The following MCTP1 variants were observed in gnomAD, a reference collection of about 807,000 sequenced individuals.
MCTP1 encodes the protein multiple C2 and transmembrane domain-containing protein 1.
MCTP1 carries 69 observed loss-of-function variants against 120.6 expected under a neutral mutation model. The ratio of observed to expected loss-of-function variants is 0.57; its 90% CI spans 0.47 to 0.70. The LOEUF (loss-of-function observed/expected upper bound fraction) is 0.70. MCTP1 is among the 30% of genes least tolerant of loss of function. MCTP1 has a pLI of 0.00. For missense variants in MCTP1, 1,203 were observed against 1,248.8 expected (o/e 0.96, Z 0.55); for synonymous variants, 529 against 493.1 (o/e 1.07, Z -0.96).
intron 2 of MCTP1, among the ~76,000 whole-genome samples, chr5:94,953,843 AC>A: frequency 1.1e-4 from 1 of 8,708 alleles, no homozygotes. Context: ...ATATATATAT[AC>A]ACAACTATAT....
intron 1 of MCTP1, among the ~76,000 whole-genome samples, chr5:95,182,882 C>T (rs1487307886): frequency 5.9e-5 from 9 of 151,922 alleles, no homozygotes; most frequent in African/African-American, 1.7e-4. Context: ...AAAAATTAGC[C>T]GGACATGGTG....
In MCTP1 at chr5:95,002,308, T is replaced by C. The variant is rs553545542; in HGVS notation, c.838+15059A>G. On this transcript the variant is annotated intron_variant, in intron 2 of 22. Transcript: ENST00000515393. Reference sequence around the variant, plus strand: ...ACAGAGTCCTCACTGGGGCACTGCCTAGTGGAGCTATGAGAAGAGGGTCAC... The same window carrying C: ...ACAGAGTCCTCACTGGGGCACTGCCCAGTGGAGCTATGAGAAGAGGGTCAC... 9.2e-5 allele frequency among the ~76,000 whole-genome samples: 14 copies of C among 152,270 alleles called. No homozygotes were observed. The East Asian group carries it at 1.4e-3, about 15-fold the overall frequency.
chr5:94,826,278 C>A, intron 17 of MCTP1: 1 of 462,748 alleles, frequency 2.2e-6, no homozygotes, highest in South Asian at 2.3e-5. Flanking sequence ...AACCCCCATG[C>A]AATATATGGC....
intron 1 of MCTP1, among the ~76,000 whole-genome samples, chr5:95,134,876 T>C (rs1759312900): frequency 6.6e-6 from 1 of 151,630 alleles, no homozygotes; most frequent in South Asian, 2.1e-4. Context: ...CAAAATACAA[T>C]TGAAGTTACT....
chr5:95,160,866 T>A (rs1248899857), intron 1 of MCTP1, among the ~76,000 whole-genome samples: 6 of 152,144 alleles, frequency 3.9e-5, no homozygotes, highest in African/African-American at 1.4e-4. Context: ...CTATCACTAA[T>A]AATCAGGGTA....
chr5:94,747,598 A>C (rs1220647704), intron 19 of MCTP1, among the ~76,000 whole-genome samples: 1 of 152,168 alleles, frequency 6.6e-6, no homozygotes, highest in African/African-American at 2.4e-5. Context: ...AGTTGGCTGA[A>C]TTTGGCCTGT....
chr5:94,704,675 G>T lies in MCTP1; in HGVS notation c.*2821C>A, dbSNP rs1463326944. On this transcript the variant is annotated 3_prime_UTR_variant, in exon 23 of 23. Coordinates refer to ENST00000515393, the MANE Select transcript of MCTP1 (RefSeq NM_024717.7). Reference sequence around the variant, plus strand: ...GATTTTAGTATACAATCATTGGTTTGACCGTTGTCTATAACAGGGTCATAC... The same window carrying T: ...GATTTTAGTATACAATCATTGGTTTTACCGTTGTCTATAACAGGGTCATAC... 1.3e-5 allele frequency: 2 copies of T among 151,056 alleles called. No individual in the cohort carries two copies. Among genetic ancestry groups the T allele is most frequent in the Non-Finnish European group, 3.0e-5 (2 of 67,520 alleles). The allele number at this position is 151,056 out of a possible 1,614,324, so 9.4% of individuals were successfully genotyped here.
chr5:94,963,925 T>C (rs1395608860), intron 2 of MCTP1, among the ~76,000 whole-genome samples: 1 of 152,210 alleles, frequency 6.6e-6, no homozygotes, highest in Admixed American at 6.5e-5. Flanking sequence ...TATCTTTCCT[T>C]CCGGTAGTTT....
At chr5:94,711,443 C>T (rs1184001670) in intron 20 of MCTP1, among the ~76,000 whole-genome samples, 1 of 152,056 alleles carries the variant, frequency 6.6e-6, no homozygotes, top group Non-Finnish European at 1.5e-5. Context: ...CTCACTTGTC[C>T]TACCTCAGCT....
chr5:94,874,279 G>T (rs1165991984), intron 12 of MCTP1, among the ~76,000 whole-genome samples: 1 of 152,014 alleles, frequency 6.6e-6, no homozygotes, highest in African/African-American at 2.4e-5. Context: ...TTACACTTCT[G>T]CAAAAGCTTA....
At chr5:94,885,185 T>C (rs1342761247) in intron 12 of MCTP1, among the ~76,000 whole-genome samples, 1 of 151,978 alleles carries the variant, frequency 6.6e-6, no homozygotes, top group Non-Finnish European at 1.5e-5. Context: ...TACCTTTCAG[T>C]ACAGTGAAAA....
rs1357825245 is a variant in MCTP1, at chr5:95,268,004, GATCCTAA to G, written c.720+15845_720+15851del. ...CAACTCCTATTAGTTATTTTCATTC[GATCCTAA>G]ATGCTTCTTCAGGGAAACCTGATCT... On this transcript the variant is annotated intron_variant, in intron 1 of 22. Transcript: ENST00000515393. 2.6e-5 allele frequency among the ~76,000 whole-genome samples: 4 copies of G among 152,304 alleles called. No individual in the cohort carries two copies. The East Asian group carries it at 7.7e-4, about 29-fold the overall frequency.
chr5:94,718,145 G>A (rs1393640422), intron 19 of MCTP1, among the ~76,000 whole-genome samples: 1 of 152,104 alleles, frequency 6.6e-6, no homozygotes, highest in Non-Finnish European at 1.5e-5. Flanking sequence ...AAAATGGCAT[G>A]GTACTGGTAC....
intron 17 of MCTP1, among the ~76,000 whole-genome samples, chr5:94,802,273 T>C (rs1253718601): frequency 6.6e-6 from 1 of 152,128 alleles, no homozygotes; most frequent in Non-Finnish European, 1.5e-5. Flanking sequence ...AGCACCTAAA[T>C]GAAGATTTCA....
intron 2 of MCTP1, among the ~76,000 whole-genome samples, chr5:95,001,912 C>T (rs1833803385): frequency 6.6e-6 from 1 of 152,140 alleles, no homozygotes; most frequent in South Asian, 2.1e-4. Context: ...CAGCCCCTCC[C>T]ACCACAGGCT....
At chr5:94,774,560 C>T (rs954336291) in intron 19 of MCTP1, among the ~76,000 whole-genome samples, 1 of 152,150 alleles carries the variant, frequency 6.6e-6, no homozygotes, top group Non-Finnish European at 1.5e-5. Flanking sequence ...ATGGATTCTT[C>T]TCCAAAGCCT....
At chr5:95,117,468 C>T (rs537372878) in intron 1 of MCTP1, among the ~76,000 whole-genome samples, 1 of 150,234 alleles carries the variant, frequency 6.7e-6, no homozygotes, top group Non-Finnish European at 1.5e-5. Flanking sequence ...CAATGAGATA[C>T]CATTTCATGC....
chr5:94,974,355 T>C (rs1827586095), intron 2 of MCTP1, among the ~76,000 whole-genome samples: 1 of 152,104 alleles, frequency 6.6e-6, no homozygotes, highest in African/African-American at 2.4e-5. Context: ...GAGACCAGCC[T>C]GGGCAACAAC....
chr5:94,844,518 C>T (rs1014987531), intron 17 of MCTP1, among the ~76,000 whole-genome samples: 1 of 152,010 alleles, frequency 6.6e-6, no homozygotes, highest in African/African-American at 2.4e-5. Context: ...TACACTCATC[C>T]ACTCTAAGAG....
Sources: allele counts gnomAD v4.1 joint callset (sites outside exome capture counted in the v4.1 genomes callset), GRCh38; gene constraint gnomAD v4.1.1; transcripts MANE v1.5; gene names NCBI Gene and HGNC (gene_info 2026-07-23, HGNC 2026-07-21).